The following POLR1F variants were observed in gnomAD, a reference collection of about 807,000 sequenced individuals.
POLR1F encodes RNA polymerase I subunit F.
Under a neutral mutation model 21.8 loss-of-function variants are expected in POLR1F, and 23 were observed. The observed-to-expected ratio is 1.05, with a 90% CI of 0.76 to 1.49. POLR1F has a LOEUF of 1.49. Ranked by LOEUF, POLR1F falls within the 40% of genes most tolerant of loss-of-function variation. The probability of loss-of-function intolerance (pLI) is 0.00; values close to 1 mark genes in which losing one functional copy is unlikely to be tolerated. For missense variants in POLR1F, 435 were observed against 412.1 expected (o/e 1.06, Z -0.48); for synonymous variants, 162 against 152.8 (o/e 1.06, Z -0.45).
At chr7:19,708,416 T>G (rs1286783666) in intron 1 of POLR1F, among the ~76,000 whole-genome samples, 2 of 152,188 alleles carry the variant, frequency 1.3e-5, no homozygotes, top group African/African-American at 4.8e-5. Flanking sequence ...CGTAAGGGGA[T>G]AAATGAAACG....
In POLR1F at chr7:19,696,766, A is replaced by G. The variant is rs548453315; in HGVS notation, c.*1550T>C. 5 of 152,258 alleles carry G rather than the reference A, an allele frequency of 3.3e-5. 2 individuals carry two copies. Among genetic ancestry groups the G allele is most frequent in the African/African-American group, 1.2e-4 (5 of 41,574 alleles). 9.4% of individuals were successfully genotyped at this position (152,258 alleles called of 1,614,324 possible). A position where few individuals can be genotyped will look rare whatever the true frequency, so the allele number is the denominator to read the frequency against. On this transcript the variant is annotated 3_prime_UTR_variant, in exon 4 of 4. Coordinates refer to ENST00000222567, the MANE Select transcript of POLR1F (RefSeq NM_001002926.2). ...ATTGTTTTATTTAAGCCACTATACC[A>G]AGACATATTGATTTCACCAATATAA...
At chr7:19,702,177 G>T (rs940186974) in intron 2 of POLR1F, among the ~76,000 whole-genome samples, 13 of 152,128 alleles carry the variant, frequency 8.5e-5, no homozygotes, top group Admixed American at 3.3e-4. Context: ...CACAAAAATG[G>T]TAACAAATGC....
chr7:19,698,802 C>A, intron 3 of POLR1F, 75 bp from the exon 4 acceptor site: 2 of 1,252,786 alleles, frequency 1.6e-6, no homozygotes, highest in Admixed American at 2.8e-5. Flanking sequence ...CAAGATATCC[C>A]AACAGGCTAA....
At position 19,702,195 on chromosome 7, in the gene POLR1F, T is replaced by TAATGCA. The variant is rs572538165; in HGVS notation, c.397-1921_397-1916dup. ...AAAAATGGTAACAAATGCACCATACTAATGCAAGTTAATGTTGATAATAGG... is the reference window on the plus strand; with the variant it reads ...AAAAATGGTAACAAATGCACCATACTAATGCAAATGCAAGTTAATGTTGATAATAGG... On this transcript the variant is annotated intron_variant, in intron 2 of 3. Coordinates refer to ENST00000222567, the MANE Select transcript of POLR1F (RefSeq NM_001002926.2). Among the ~76,000 whole-genome samples the TAATGCA allele has an allele frequency of 5.3e-5, 8 of 152,312 alleles. No homozygotes were observed. In the South Asian group the frequency reaches 1.7e-3, roughly 32 times the overall value.
Position 19,700,145 on chromosome 7 carries a change from C to G in POLR1F, c.532G>C (p.Glu178Gln). The G allele has an allele frequency of 6.2e-7, 1 of 1,613,948 alleles. No homozygotes were observed. Among genetic ancestry groups the G allele is most frequent in the Non-Finnish European group, 8.5e-7 (1 of 1,179,852 alleles). ...GAGTCTAAACGAAATACTTCAAATT[C>G]TAGTTCATCACCCATGTTTATCTCC... ...TMEINMGDEL[E>Q]FEVFRLDSDA... is the part of the protein sequence containing the mutation. The change falls in exon 3 of 4, where the codon GAA becomes CAA. Residue 178 changes from glutamate (E) to glutamine (Q), a missense_variant. Transcript: ENST00000222567.
In POLR1F at chr7:19,695,549, A is replaced by C. The variant is rs947448190; in HGVS notation, c.*2767T>G. On this transcript the variant is annotated 3_prime_UTR_variant, in exon 4 of 4. Coordinates refer to ENST00000222567, the MANE Select transcript of POLR1F (RefSeq NM_001002926.2). The stretch of plus-strand genomic sequence containing the variant: ...CAAAGGATTCACTGTTAAATACTAT[A>C]GATATAGTTAAGGCATAATTCCAGC... 2 of 152,178 alleles carry C rather than the reference A, an allele frequency of 1.3e-5. No individual in the cohort carries two copies. The highest frequency in any genetic ancestry group is 2.9e-5 in the Non-Finnish European group (2 of 67,990). The allele number at this position is 152,178 out of a possible 1,614,324, so 9.4% of individuals were successfully genotyped here.
In POLR1F at chr7:19,698,636, T is replaced by C. The variant is rs777860794; in HGVS notation, c.697A>G (p.Lys233Glu). The C allele has an allele frequency of 3.1e-6, 5 of 1,592,966 alleles. No individual in the cohort carries two copies. Among genetic ancestry groups the C allele is most frequent in the African/African-American group, 1.4e-5 (1 of 73,318 alleles). The change falls in exon 4 of 4, where the codon AAA (lysine) becomes GAA (glutamate). Residue 233 changes from lysine (K) to glutamate (E), a missense_variant. Lys to Glu is a moderately conservative substitution (Grantham distance 56, BLOSUM62 1). Transcript: ENST00000222567. The part of the protein sequence containing the change: ...AKKPKKKKKK[K>E]DPETYEVDSG... ...TCCACTTCATATGTCTCTGGGTCTT[T>C]CTTCTTTTTCTTCTTTTTAGGTTTT...
intron 2 of POLR1F, among the ~76,000 whole-genome samples, chr7:19,702,567 T>A (rs912188348): frequency 6.6e-6 from 1 of 152,146 alleles, no homozygotes; most frequent in Non-Finnish European, 1.5e-5. Flanking sequence ...AATGATAAAT[T>A]GGACCTCATC....
In POLR1F at chr7:19,708,983, C is replaced by A. The variant is rs778894332; in HGVS notation, c.34G>T (p.Ala12Ser). Residue 12 changes from alanine (A) to serine (S), a missense_variant, in exon 1 of 4, where the codon GCG (alanine) becomes TCG (serine). Coordinates refer to ENST00000222567, the MANE Select transcript of POLR1F (RefSeq NM_001002926.2). ...ACCAGAGACCCATCAGAAGCCGCCG[C>A]TGGCCGCGGCGCCTCTGAGCAACCT... is the stretch of plus-strand genomic sequence containing the variant. ...AAGCSEAPRP[A>S]AASDGSLVGQ... 2 of 1,596,056 alleles carry A rather than the reference C, an allele frequency of 1.3e-6. No individual in the cohort carries two copies. Among genetic ancestry groups the A allele is most frequent in the South Asian group, 1.1e-5 (1 of 90,800 alleles).
chr7:19,699,951 C>G, intron 3 of POLR1F, 121 bp downstream of exon 3: 1 of 756,780 alleles, frequency 1.3e-6, no homozygotes, highest in Non-Finnish European at 2.1e-6. Context: ...CATGAATATT[C>G]CTATAAACAG....
chr7:19,705,626 A>G (rs1250421764), intron 1 of POLR1F, among the ~76,000 whole-genome samples: 2 of 152,270 alleles, frequency 1.3e-5, no homozygotes, highest in Non-Finnish European at 2.9e-5. Flanking sequence ...TAGTAAATGC[A>G]AATGTTAATA....
At chr7:19,699,351 C>T (rs1783420717) in intron 3 of POLR1F, among the ~76,000 whole-genome samples, 1 of 152,130 alleles carries the variant, frequency 6.6e-6, no homozygotes, top group Non-Finnish European at 1.5e-5. Context: ...TGTACCTAAT[C>T]ACTACCAAAA....
chr7:19,699,915 T>C (rs1783427606), intron 3 of POLR1F, among the ~76,000 whole-genome samples, 157 bp downstream of exon 3: 1 of 152,186 alleles, frequency 6.6e-6, no homozygotes, highest in Admixed American at 6.5e-5. Context: ...AAGAGTATTG[T>C]TTATATTGAC....
chr7:19,696,271 A>G lies in POLR1F; in HGVS notation c.*2045T>C, dbSNP rs1445178874. 2.0e-5 allele frequency: 3 copies of G among 152,132 alleles called. No homozygotes were observed. Among genetic ancestry groups the G allele is most frequent in the Non-Finnish European group, 4.4e-5 (3 of 67,954 alleles). 9.4% of individuals were successfully genotyped at this position (152,132 alleles called of 1,614,324 possible). A position where few individuals can be genotyped will look rare whatever the true frequency, so the allele number is the denominator to read the frequency against. ...ACAAATGGCCAGATCTGACTTTTCAAAACTACTCACATTGTGAAAAAAGCA... is the reference window on the plus strand; with the variant it reads ...ACAAATGGCCAGATCTGACTTTTCAGAACTACTCACATTGTGAAAAAAGCA... On this transcript the variant is annotated 3_prime_UTR_variant, in exon 4 of 4. Transcript: ENST00000222567.
At chr7:19,704,112 G>A (rs1416721024) in intron 2 of POLR1F, among the ~76,000 whole-genome samples, 1 of 152,072 alleles carries the variant, frequency 6.6e-6, no homozygotes, top group Admixed American at 6.6e-5. Context: ...ATATTTTTAT[G>A]AACAATATCA....
chr7:19,700,436 T>C, intron 2 of POLR1F, 156 bp from the exon 3 acceptor site: 6 of 617,388 alleles, frequency 9.7e-6, no homozygotes, highest in South Asian at 8.4e-5. Flanking sequence ...AATTAAAACT[T>C]ACCACATGTC....
At position 19,698,616 on chromosome 7, in the gene POLR1F, T is replaced by G. The variant is rs766193466; in HGVS notation, c.717A>C (p.Glu239Asp). 6.2e-7 allele frequency: 1 copy of G among 1,612,182 alleles called. No individual in the cohort carries two copies. The highest frequency in any genetic ancestry group is 8.5e-7 in the Non-Finnish European group (1 of 1,179,548). The change falls in exon 4 of 4, where the codon GAA (glutamate) becomes GAC (aspartate). Residue 239 changes from glutamate to aspartate, a missense_variant. By Grantham distance (45) the Glu-to-Asp change is conservative. Transcript: ENST00000222567. ...CTAGCTTTGTGGTACCACTGTCCACTTCATATGTCTCTGGGTCTTTCTTCT... is the reference window on the plus strand; with the variant it reads ...CTAGCTTTGTGGTACCACTGTCCACGTCATATGTCTCTGGGTCTTTCTTCT... ...KKKKKDPETY[E>D]VDSGTTKLAD... is the part of the protein sequence containing the mutation.
chr7:19,708,165 T>A (rs568057068), intron 1 of POLR1F, among the ~76,000 whole-genome samples: 16 of 152,232 alleles, frequency 1.1e-4, no homozygotes, highest in African/African-American at 3.4e-4. Flanking sequence ...TTCGACTGAA[T>A]AAATCTTCTT....
chr7:19,699,998 A>C, intron 3 of POLR1F, 74 bp downstream of exon 3: 1 of 1,281,674 alleles, frequency 7.8e-7, no homozygotes. Context: ...TAAAATTAAA[A>C]TAAAATTCTC....
Sources: allele counts gnomAD v4.1 joint callset (sites outside exome capture counted in the v4.1 genomes callset), GRCh38; gene constraint gnomAD v4.1.1; transcripts MANE v1.5; gene names NCBI Gene and HGNC (gene_info 2026-07-23, HGNC 2026-07-21).